PRKN: variants seen among roughly 807,000 people sequenced by gnomAD.
PRKN encodes E3 ubiquitin-protein ligase parkin.
PRKN carries 56 observed loss-of-function variants against 59.5 expected under a neutral mutation model. That is an observed-to-expected ratio of 0.94 (90% confidence interval 0.76 to 1.18). The LOEUF (loss-of-function observed/expected upper bound fraction) is 1.18, where lower values mean the gene tolerates loss of function less well. Among genes scored for constraint, PRKN ranks in the 50% most tolerant of loss-of-function variants. PRKN has a pLI of 0.00. For synonymous variants in PRKN, 250 were observed against 222.1 expected (o/e 1.13, Z -1.12); for missense variants, 657 against 596.4 (o/e 1.10, Z -1.06).
chr6:162,226,776 C>T (rs745936431), intron 3 of PRKN, among the ~76,000 whole-genome samples: 2 of 152,142 alleles, frequency 1.3e-5, no homozygotes, highest in Non-Finnish European at 2.9e-5. Context: ...TCGTGAACTG[C>T]CCGAAGACTC....
At chr6:162,108,048 G>A (rs930861809) in intron 4 of PRKN, among the ~76,000 whole-genome samples, 1 of 152,104 alleles carries the variant, frequency 6.6e-6, no homozygotes, top group Non-Finnish European at 1.5e-5. Context: ...ATTTTTATCT[G>A]TTCATTCAAG....
chr6:161,539,439 G>A lies in PRKN; in HGVS notation c.1083+9415C>T, dbSNP rs188403777. Among the ~76,000 whole-genome samples the A allele has an allele frequency of 1.1e-4, 12 of 106,792 alleles. No individual in the cohort carries two copies. In the East Asian group the frequency reaches 1.7e-3, roughly 16 times the overall value. 70.1% of individuals were successfully genotyped at this position (106,792 alleles called of 152,430 possible). ...GCCTGGCTCTTTCTGGAACAGCAGCGAGCCTTCACGGAGTTGGTTTCTGTG... is the reference window on the plus strand; with the variant it reads ...GCCTGGCTCTTTCTGGAACAGCAGCAAGCCTTCACGGAGTTGGTTTCTGTG... On this transcript the variant is annotated intron_variant, in intron 9 of 11. Transcript: ENST00000366898.
intron 5 of PRKN, among the ~76,000 whole-genome samples, chr6:162,043,494 G>C (rs1223653084): frequency 2.0e-5 from 3 of 152,170 alleles, no homozygotes; most frequent in African/African-American, 4.8e-5. Flanking sequence ...GTGCAGTCTT[G>C]CTTCACAAAT....
At chr6:161,775,225 T>A (rs1439487506) in intron 7 of PRKN, among the ~76,000 whole-genome samples, 2 of 152,124 alleles carry the variant, frequency 1.3e-5, no homozygotes, top group Non-Finnish European at 2.9e-5. Flanking sequence ...CATCATTTTA[T>A]ATTTTATGCT....
At chr6:161,637,449 A>G (rs1233773079) in intron 7 of PRKN, among the ~76,000 whole-genome samples, 1 of 152,160 alleles carries the variant, frequency 6.6e-6, no homozygotes, top group Non-Finnish European at 1.5e-5. Flanking sequence ...GGGAAAGAAA[A>G]AGAAATGAAA....
intron 1 of PRKN, among the ~76,000 whole-genome samples, chr6:162,618,051 T>C (rs1350488193): frequency 6.6e-6 from 1 of 152,198 alleles, no homozygotes. Context: ...TTTAAACCCA[T>C]GCTGTTAGTG....
At chr6:162,332,706 G>C (rs546921416) in intron 2 of PRKN, among the ~76,000 whole-genome samples, 1 of 151,972 alleles carries the variant, frequency 6.6e-6, no homozygotes, top group Non-Finnish European at 1.5e-5. Flanking sequence ...TCTTGGAATC[G>C]CACTGTGTGA....
chr6:162,174,667 T>C (rs1236948213), intron 4 of PRKN, among the ~76,000 whole-genome samples: 1 of 152,202 alleles, frequency 6.6e-6, no homozygotes, highest in Non-Finnish European at 1.5e-5. Flanking sequence ...TATATCCTTG[T>C]TCAAGGCATG....
Position 161,629,093 on chromosome 6 carries a change from T to C in PRKN, c.872-59677A>G, listed in dbSNP as rs181377592. ...CGAGGAATGGCGTCTTCGTGGAGCA[T>C]GGACTGGATCAAGGGATGATGGAAG... On this transcript the variant is annotated intron_variant, in intron 7 of 11. Coordinates refer to ENST00000366898, the MANE Select transcript of PRKN (RefSeq NM_004562.3). Among the ~76,000 whole-genome samples, 6 of 152,154 alleles carry C rather than the reference T, an allele frequency of 3.9e-5. No individual in the cohort carries two copies. The East Asian group carries it at 1.2e-3, about 29-fold the overall frequency.
At chr6:161,972,274 C>CAAA (rs34466786) in intron 6 of PRKN, among the ~76,000 whole-genome samples, 4 of 91,402 alleles carry the variant, frequency 4.4e-5, no homozygotes, top group African/African-American at 1.4e-4. Flanking sequence ...AACTCCTTCT[C>CAAA]AAAAAAAAAA....
intron 5 of PRKN, among the ~76,000 whole-genome samples, chr6:162,044,149 TTC>T (rs1407878201): frequency 6.6e-6 from 1 of 152,228 alleles, no homozygotes; most frequent in African/African-American, 2.4e-5. Context: ...CCCTTCAAGA[TTC>T]TCTTTTACTC....
intron 7 of PRKN, among the ~76,000 whole-genome samples, chr6:161,684,649 A>T (rs1785489465): frequency 6.6e-6 from 1 of 152,226 alleles, no homozygotes; most frequent in African/African-American, 2.4e-5. Flanking sequence ...AATAATGACC[A>T]TTCTAAAGAC....
At chr6:162,478,436 CAAAACA>C in intron 1 of PRKN, among the ~76,000 whole-genome samples, 3 of 152,260 alleles carry the variant, frequency 2.0e-5, no homozygotes, top group Non-Finnish European at 4.4e-5. Flanking sequence ...AAACCCTTCA[CAAAACA>C]TCTAACACAG....
chr6:161,436,583 G>T (rs978963073), intron 9 of PRKN, among the ~76,000 whole-genome samples: 13 of 151,914 alleles, frequency 8.6e-5, no homozygotes, highest in Non-Finnish European at 1.8e-4. Flanking sequence ...AACTGCTTGG[G>T]TGAATGGCTG....
chr6:162,616,902 G>C (rs1408951399), intron 1 of PRKN, among the ~76,000 whole-genome samples: 2 of 152,050 alleles, frequency 1.3e-5, no homozygotes, highest in Non-Finnish European at 2.9e-5. Context: ...TAAAAACAAA[G>C]TATTTATTCC....
Position 162,398,174 on chromosome 6 carries a change from C to G in PRKN, c.171+45136G>C, listed in dbSNP as rs972472458. ...AGCAAATACTTTAAAATTAAAAATC[C>G]CAGAGTGCTATGTAATACAAACATG... On this transcript the variant is annotated intron_variant, in intron 2 of 11. Coordinates refer to ENST00000366898, the MANE Select transcript of PRKN (RefSeq NM_004562.3). 2.6e-5 allele frequency among the ~76,000 whole-genome samples: 4 copies of G among 151,798 alleles called. No individual in the cohort carries two copies. The South Asian group carries it at 8.3e-4, about 32-fold the overall frequency.
intron 6 of PRKN, among the ~76,000 whole-genome samples, chr6:161,933,787 C>T (rs1004363782): frequency 6.6e-6 from 1 of 151,988 alleles, no homozygotes; most frequent in East Asian, 1.9e-4. Context: ...CAGGGAACCC[C>T]AGAAGTCTTC....
At chr6:162,091,850 A>C (rs1353461277) in intron 4 of PRKN, among the ~76,000 whole-genome samples, 3 of 151,884 alleles carry the variant, frequency 2.0e-5, no homozygotes, top group African/African-American at 7.3e-5. Context: ...TAGCTTGGGC[A>C]ACAAAGTGAG....
At chr6:161,996,114 C>G (rs1781829803) in intron 5 of PRKN, among the ~76,000 whole-genome samples, 1 of 151,976 alleles carries the variant, frequency 6.6e-6, no homozygotes, top group South Asian at 2.1e-4. Context: ...CACAATAGGT[C>G]AAGATATGGA....
Sources: gnomAD v4.1 joint callset for allele counts (sites outside exome capture counted in the v4.1 genomes callset) on GRCh38, gnomAD v4.1.1 for gene constraint, MANE v1.5 for transcripts, NCBI Gene and HGNC (gene_info 2026-07-23, HGNC 2026-07-21) for gene names.